Variants in DEPTOR observed in about 807,000 individuals in gnomAD.
DEPTOR encodes the protein DEP domain-containing mTOR-interacting protein.
A neutral mutation model predicts 41.6 loss-of-function variants in DEPTOR; 41 were observed. That is an observed-to-expected ratio of 0.98 (90% CI 0.77 to 1.28). The LOEUF is 1.28. Among genes scored for constraint, DEPTOR ranks in the 50% most tolerant of loss-of-function variants. DEPTOR has a pLI of 0.00. For synonymous variants in DEPTOR, 195 were observed against 192.3 expected (o/e 1.01, Z -0.12); for missense variants, 514 against 527.9 (o/e 0.97, Z 0.26).
At chr8:119,896,996 G>A (rs7814126) in intron 1 of DEPTOR, among the ~76,000 whole-genome samples, 32,585 of 151,988 alleles carry the variant, frequency 0.21, 3,989 homozygotes, top group African/African-American at 0.32. Context: ...TATTATGTAC[G>A]CCTAATTACC....
chr8:119,923,864 C>T (rs1486810211), intron 1 of DEPTOR, among the ~76,000 whole-genome samples: 2 of 146,586 alleles, frequency 1.4e-5, no homozygotes, highest in African/African-American at 5.1e-5. Flanking sequence ...TCCCTTCCCT[C>T]TGTTTTTCCT....
chr8:119,976,233 T>C (rs968853726), intron 4 of DEPTOR, among the ~76,000 whole-genome samples: 2 of 152,052 alleles, frequency 1.3e-5, no homozygotes, highest in Non-Finnish European at 2.9e-5. Flanking sequence ...GAAGAAGAAA[T>C]GGAGGAGACT....
intron 3 of DEPTOR, among the ~76,000 whole-genome samples, chr8:119,947,099 G>A (rs777717486): frequency 1.1e-4 from 16 of 152,286 alleles, no homozygotes; most frequent in Non-Finnish European, 1.6e-4. Context: ...ATTCTGTTAA[G>A]GTAAGTATTA....
intron 4 of DEPTOR, among the ~76,000 whole-genome samples, chr8:119,967,156 G>A (rs1828572768): frequency 6.6e-6 from 1 of 151,932 alleles, no homozygotes; most frequent in African/African-American, 2.4e-5. Flanking sequence ...TTGGCTCACT[G>A]CAACTTCCGC....
Position 119,965,424 on chromosome 8 carries a change from G to T in DEPTOR, c.604+14G>T. ...TCATCCAGCATGGTGAGCGTATTGG[G>T]CAGCTTTTGCTGCAGGAACAAACAG... On this transcript the variant is annotated intron_variant, in intron 4 of 8. Transcript: ENST00000286234. The T allele has an allele frequency of 1.9e-6, 3 of 1,606,220 alleles. No individual in the cohort carries two copies. Among genetic ancestry groups the T allele is most frequent in the Non-Finnish European group, 2.5e-6 (3 of 1,176,780 alleles).
intron 8 of DEPTOR, among the ~76,000 whole-genome samples, chr8:120,048,963 C>T (rs1367240043): frequency 2.6e-5 from 4 of 152,124 alleles, no homozygotes; most frequent in Admixed American, 6.6e-5. Context: ...CAATACTCTT[C>T]CCAGTACTCT....
chr8:119,999,323 G>A (rs1563587420), intron 4 of DEPTOR, among the ~76,000 whole-genome samples: 1 of 151,860 alleles, frequency 6.6e-6, no homozygotes. Flanking sequence ...TATATCCCAA[G>A]CTGTTGTGAT....
intron 8 of DEPTOR, among the ~76,000 whole-genome samples, chr8:120,044,345 G>A (rs1813125113): frequency 1.3e-5 from 2 of 151,980 alleles, no homozygotes; most frequent in South Asian, 2.1e-4. Context: ...GGCTGGTCTC[G>A]AACTCCTGAC....
intron 1 of DEPTOR, among the ~76,000 whole-genome samples, chr8:119,899,302 T>C (rs1359037951): frequency 6.6e-6 from 1 of 152,260 alleles, no homozygotes; most frequent in African/African-American, 2.4e-5. Flanking sequence ...TCTTTCGATA[T>C]CTTTTAATTC....
intron 1 of DEPTOR, among the ~76,000 whole-genome samples, chr8:119,915,945 TAAAAAAAAA>T (rs201870960): frequency 1.6e-5 from 2 of 126,654 alleles, no homozygotes; most frequent in African/African-American, 2.8e-5. Context: ...CTTCATTTGT[TAAAAAAAAA>T]AAAAAAAAAA....
chr8:119,935,571 A>C (rs941605146), intron 3 of DEPTOR, among the ~76,000 whole-genome samples: 2 of 152,002 alleles, frequency 1.3e-5, no homozygotes, highest in African/African-American at 4.8e-5. Context: ...AAATACAAAA[A>C]TTAGCCAGGC....
At chr8:119,909,394 A>T (rs889352073) in intron 1 of DEPTOR, among the ~76,000 whole-genome samples, 1 of 152,214 alleles carries the variant, frequency 6.6e-6, no homozygotes, top group African/African-American at 2.4e-5. Flanking sequence ...TTTTATAAGT[A>T]GCCACAGGTG....
chr8:119,944,012 T>C (rs1828237385), intron 3 of DEPTOR, among the ~76,000 whole-genome samples: 1 of 152,008 alleles, frequency 6.6e-6, no homozygotes, highest in South Asian at 2.1e-4. Context: ...TAATTTTTTG[T>C]ATTTTTTTTA....
In DEPTOR at chr8:119,969,625, G is replaced by A. The variant is rs567701552; in HGVS notation, c.604+4215G>A. Among the ~76,000 whole-genome samples, 253 of 152,252 alleles carry A rather than the reference G, an allele frequency of 1.7e-3. 1 individual carries two copies. Among genetic ancestry groups the A allele is most frequent in the African/African-American group, 5.8e-3 (242 of 41,564 alleles). On this transcript the variant is annotated intron_variant, in intron 4 of 8. Transcript: ENST00000286234. ...CCCACCTTGGCCTCCCAAAGTGCTGGGATTACAGGCGTGAGCCATCGTGCC... is the reference window on the plus strand; with the variant it reads ...CCCACCTTGGCCTCCCAAAGTGCTGAGATTACAGGCGTGAGCCATCGTGCC...
intron 1 of DEPTOR, among the ~76,000 whole-genome samples, chr8:119,884,420 A>G (rs1269637193): frequency 6.6e-6 from 1 of 152,234 alleles, no homozygotes; most frequent in Non-Finnish European, 1.5e-5. Flanking sequence ...TTCTGGAGGA[A>G]TACTATGCGA....
intron 1 of DEPTOR, among the ~76,000 whole-genome samples, chr8:119,880,141 CAAAAT>C (rs534342442): frequency 0.037 from 5,099 of 139,132 alleles, 126 homozygotes; most frequent in East Asian, 0.064. Flanking sequence ...GACTCCGTCT[CAAAAT>C]AAAATAAAAT....
rs1827849965 is a variant in DEPTOR, at chr8:119,918,818, TC to T, written c.123-9579del. Among the ~76,000 whole-genome samples the T allele has an allele frequency of 2.6e-5, 4 of 152,180 alleles. No individual in the cohort carries two copies. In the South Asian group the frequency reaches 8.3e-4, roughly 32 times the overall value. On this transcript the variant is annotated intron_variant, in intron 1 of 8. Transcript: ENST00000286234. ...CATGTTGGTCAGGCTGGTCTCGAAC[TC>T]CCAACCTCAGGTGATCTGCTTGCCT...
intron 4 of DEPTOR, among the ~76,000 whole-genome samples, chr8:119,967,483 T>C (rs1005550595): frequency 6.6e-6 from 1 of 151,838 alleles, no homozygotes; most frequent in Non-Finnish European, 1.5e-5. Flanking sequence ...GAGTAATATT[T>C]TAAGATTTTA....
chr8:119,943,050 G>C (rs1828223637), intron 3 of DEPTOR, among the ~76,000 whole-genome samples: 2 of 152,188 alleles, frequency 1.3e-5, no homozygotes, highest in South Asian at 4.1e-4. Flanking sequence ...TGTCCTTCCA[G>C]ATCCATTCTC....
Sources: allele counts gnomAD v4.1 joint callset (sites outside exome capture counted in the v4.1 genomes callset), GRCh38; gene constraint gnomAD v4.1.1; transcripts MANE v1.5; gene names NCBI Gene and HGNC (gene_info 2026-07-23, HGNC 2026-07-21).